The following DCHS2 variants were observed in gnomAD, a reference collection of about 807,000 sequenced individuals.
DCHS2 encodes the protein protocadherin-23.
In DCHS2, 142 loss-of-function variants were observed where a neutral mutation model predicts 182.4. The ratio of observed to expected loss-of-function variants is 0.78; its 90% CI spans 0.68 to 0.89. The LOEUF (loss-of-function observed/expected upper bound fraction) is 0.89, where lower values mean the gene tolerates loss of function less well. DCHS2 is among the 40% of genes least tolerant of loss of function. The pLI is 0.00. For synonymous variants in DCHS2, 1,740 were observed against 1,663.3 expected (o/e 1.05, Z -1.12); for missense variants, 4,319 against 4,198.6 (o/e 1.03, Z -0.79).
rs556522401 is a variant in DCHS2 at position 154,277,403 on chromosome 4, T to C, written c.6464-7390A>G. 3.2e-4 allele frequency among the ~76,000 whole-genome samples: 48 copies of C among 152,170 alleles called. 1 individual carries two copies. The highest frequency in any genetic ancestry group is 2.4e-3 in the Admixed American group (36 of 15,274). On this transcript the variant is annotated intron_variant, in intron 13 of 19. Coordinates refer to ENST00000357232, the MANE Select transcript of DCHS2 (RefSeq NM_001358235.2). ...GCCAGAGAATGTGAAGTACTGCAGATAGACACCAGAGAGAGCAAGAGACTA... is the reference window on the plus strand; with the variant it reads ...GCCAGAGAATGTGAAGTACTGCAGACAGACACCAGAGAGAGCAAGAGACTA...
intron 16 of DCHS2, among the ~76,000 whole-genome samples, chr4:154,253,367 C>A (rs780261866): frequency 2.0e-5 from 3 of 151,944 alleles, no homozygotes; most frequent in Non-Finnish European, 2.9e-5. Context: ...GAAACCATGA[C>A]GCAAATAGGA....
intron 13 of DCHS2, among the ~76,000 whole-genome samples, chr4:154,296,331 T>TGGAGGGGTAGTCA (rs1734922757): frequency 1.3e-5 from 2 of 151,710 alleles, no homozygotes; most frequent in African/African-American, 4.8e-5. Context: ...ATGCGAGGGG[T>TGGAGGGGTAGTCA]GGAGGGGTAG....
chr4:154,235,483 C>G lies in DCHS2; in HGVS notation c.9169G>C (p.Asp3057His), dbSNP rs373906914. 6.2e-7 allele frequency: 1 copy of G among 1,613,966 alleles called. No individual in the cohort carries two copies. The highest frequency in any genetic ancestry group is 8.5e-7 in the Non-Finnish European group (1 of 1,179,934). The change falls in exon 20 of 20, where the codon GAC becomes CAC. Residue 3057 changes from aspartate (D) to histidine (H), a missense_variant. Physicochemically the swap from Asp to His is moderately conservative, Grantham distance 81. Transcript: ENST00000357232. ...SVLKAFQKTD[D>H]CSNEVVPVDA... Reference sequence around the variant, plus strand: ...ACAGGGACCACCTCGTTACTGCAGTCGTCAGTTTTCTGGAAGGCTTTGAGC... The same window carrying G: ...ACAGGGACCACCTCGTTACTGCAGTGGTCAGTTTTCTGGAAGGCTTTGAGC...
intron 10 of DCHS2, among the ~76,000 whole-genome samples, chr4:154,309,947 G>T (rs1735606584): frequency 6.6e-6 from 1 of 152,154 alleles, no homozygotes; most frequent in African/African-American, 2.4e-5. Flanking sequence ...TATGAGCTGA[G>T]GCTTTAAACC....
At chr4:154,405,854 T>C (rs1732378493) in intron 1 of DCHS2, among the ~76,000 whole-genome samples, 1 of 152,214 alleles carries the variant, frequency 6.6e-6, no homozygotes, top group Non-Finnish European at 1.5e-5. Flanking sequence ...ACATGTCTCG[T>C]AAGTTTTTTT....
chr4:154,305,278 A>G (rs771463462), intron 10 of DCHS2, 47 bp from the exon 11 acceptor site: 11 of 1,566,790 alleles, frequency 7.0e-6, no homozygotes, highest in East Asian at 2.3e-5. Flanking sequence ...TCTTTGAAAT[A>G]CATTTATCCA....
intron 1 of DCHS2, among the ~76,000 whole-genome samples, chr4:154,443,941 A>C (rs1319356821): frequency 1.3e-5 from 2 of 152,164 alleles, no homozygotes; most frequent in Non-Finnish European, 2.9e-5. Context: ...TCCAGCTTTC[A>C]TTTGACAGAA....
chr4:154,268,370 C>T (rs1382217965), intron 14 of DCHS2, among the ~76,000 whole-genome samples: 2 of 152,092 alleles, frequency 1.3e-5, no homozygotes, highest in African/African-American at 2.4e-5. Flanking sequence ...CAATATGTGA[C>T]AGTGAAACTG....
At chr4:154,358,469 G>A (rs1184562550) in intron 3 of DCHS2, among the ~76,000 whole-genome samples, 1 of 152,124 alleles carries the variant, frequency 6.6e-6, no homozygotes, top group Non-Finnish European at 1.5e-5. Flanking sequence ...TGACTCTGTG[G>A]CCTACAAACT....
At chr4:154,329,464 G>A in intron 6 of DCHS2, 59 bp downstream of exon 6, 1 of 1,497,626 alleles carries the variant, frequency 6.7e-7, no homozygotes, top group Non-Finnish European at 9.1e-7. Flanking sequence ...ACCACAAGAT[G>A]GTGCTCAAAA....
chr4:154,489,216 C>T (rs1364038729), intron 1 of DCHS2, 88 bp downstream of exon 1: 4 of 1,097,728 alleles, frequency 3.6e-6, no homozygotes. Flanking sequence ...GAATATTATC[C>T]TCCACATCAC....
intron 13 of DCHS2, among the ~76,000 whole-genome samples, chr4:154,283,832 T>C (rs529422000): frequency 6.6e-6 from 1 of 152,286 alleles, no homozygotes; most frequent in South Asian, 2.1e-4. Flanking sequence ...ATTTCTTGTA[T>C]GGGCTGTCAT....
intron 13 of DCHS2, among the ~76,000 whole-genome samples, chr4:154,288,316 A>G (rs1166515800): frequency 1.3e-5 from 2 of 152,228 alleles, no homozygotes; most frequent in African/African-American, 2.4e-5. Context: ...CAAAAACTAT[A>G]TAGACAAGGA....
intron 15 of DCHS2, among the ~76,000 whole-genome samples, chr4:154,256,136 A>G (rs1267167863): frequency 7.9e-5 from 12 of 151,930 alleles, no homozygotes; most frequent in Non-Finnish European, 1.8e-4. Flanking sequence ...TTTATATTGT[A>G]TTTAAAGTTT....
At chr4:154,331,632 A>G in intron 5 of DCHS2, 1 of 1,613,938 alleles carries the variant, frequency 6.2e-7, no homozygotes, top group Admixed American at 1.7e-5. Flanking sequence ...CTTGAAGTTC[A>G]TCAGAACTGA....
chr4:154,262,917 G>A (rs1733056539), intron 14 of DCHS2, among the ~76,000 whole-genome samples: 1 of 152,168 alleles, frequency 6.6e-6, no homozygotes, highest in African/African-American at 2.4e-5. Flanking sequence ...TAGACAGTGA[G>A]AAATACATGT....
intron 1 of DCHS2, among the ~76,000 whole-genome samples, chr4:154,422,566 A>G (rs777372594): frequency 6.6e-6 from 1 of 152,170 alleles, no homozygotes; most frequent in Non-Finnish European, 1.5e-5. Context: ...CATCCAATCC[A>G]TACTCCACCC....
At chr4:154,318,985 C>G (rs1735955494) in intron 9 of DCHS2, among the ~76,000 whole-genome samples, 1 of 152,066 alleles carries the variant, frequency 6.6e-6, no homozygotes, top group African/African-American at 2.4e-5. Context: ...ATGGTATTGG[C>G]ATAGGATAAA....
intron 1 of DCHS2, among the ~76,000 whole-genome samples, chr4:154,404,936 A>G (rs924239878): frequency 6.6e-6 from 1 of 152,132 alleles, no homozygotes; most frequent in Non-Finnish European, 1.5e-5. Flanking sequence ...CTACCCCCAG[A>G]GTCCACCCAC....
Sources: gnomAD v4.1 joint callset for allele counts (sites outside exome capture counted in the v4.1 genomes callset) on GRCh38, gnomAD v4.1.1 for gene constraint, MANE v1.5 for transcripts, NCBI Gene and HGNC (gene_info 2026-07-23, HGNC 2026-07-21) for gene names.